Variants in TTC28 observed in about 807,000 individuals in gnomAD.
TTC28 encodes tetratricopeptide repeat domain 28.
A neutral mutation model predicts 198.0 loss-of-function variants in TTC28; 61 were observed. The observed-to-expected ratio is 0.31, with a 90% CI of 0.25 to 0.38. The LOEUF is 0.38. Among genes scored for constraint, TTC28 ranks in the 10% least tolerant of loss-of-function variants. TTC28 has a pLI of 1.00. For missense variants in TTC28, 2,678 were observed against 3,164.0 expected, an observed-to-expected ratio of 0.85 and a Z score of 3.69; for synonymous variants, 1,171 against 1,297.8, an observed-to-expected ratio of 0.90 and a Z score of 2.10.
At position 28,164,593 on chromosome 22, in the gene TTC28, A is replaced by G. The variant is rs1298282876; in HGVS notation, c.934-994T>C. ...CCTGCAGCTGAGGGTCCTGACTGTT[A>G]GAAGGAAAACTAACAAACAGAAAGG... On this transcript the variant is annotated intron_variant, in intron 5 of 22. Transcript: ENST00000397906. Among the ~76,000 whole-genome samples, 4 of 152,220 alleles carry G rather than the reference A, an allele frequency of 2.6e-5. No individual in the cohort carries two copies. The East Asian group carries it at 7.7e-4, about 29-fold the overall frequency.
intron 2 of TTC28, among the ~76,000 whole-genome samples, chr22:28,624,027 AAAT>A (rs1162685518): frequency 2.0e-5 from 3 of 152,218 alleles, no homozygotes; most frequent in African/African-American, 7.2e-5. Context: ...AGAAAAAAGG[AAAT>A]AATAAACAGC....
intron 5 of TTC28, among the ~76,000 whole-genome samples, chr22:28,282,312 T>C (rs1294047972): frequency 6.6e-6 from 1 of 152,240 alleles, no homozygotes; most frequent in Non-Finnish European, 1.5e-5. Flanking sequence ...AAATAGCATA[T>C]ACTATATAAA....
chr22:28,549,685 A>T (rs1163966185), intron 2 of TTC28, among the ~76,000 whole-genome samples: 3 of 152,216 alleles, frequency 2.0e-5, no homozygotes, highest in Non-Finnish European at 2.9e-5. Context: ...TAAAATACAT[A>T]ACAACTATAT....
chr22:28,403,628 C>T (rs1253526715), intron 2 of TTC28, among the ~76,000 whole-genome samples: 2 of 152,142 alleles, frequency 1.3e-5, no homozygotes, highest in African/African-American at 2.4e-5. Flanking sequence ...AACATTAAAT[C>T]GATGCCTTCA....
At chr22:28,085,767 A>G (rs1402219336) in intron 12 of TTC28, among the ~76,000 whole-genome samples, 6 of 152,104 alleles carry the variant, frequency 3.9e-5, no homozygotes, top group South Asian at 2.1e-4. Context: ...CAGGAAACCC[A>G]CCTCACGTGC....
intron 5 of TTC28, among the ~76,000 whole-genome samples, chr22:28,268,197 T>A (rs1931812142): frequency 6.6e-6 from 1 of 152,214 alleles, no homozygotes; most frequent in Non-Finnish European, 1.5e-5. Context: ...CTAAGGTTTC[T>A]ACTTGAATGG....
At chr22:28,334,426 C>T (rs2045672107) in intron 2 of TTC28, among the ~76,000 whole-genome samples, 1 of 152,192 alleles carries the variant, frequency 6.6e-6, no homozygotes, top group Admixed American at 6.5e-5. Flanking sequence ...GGAATCGCCA[C>T]ACTGATTTCC....
At chr22:28,582,075 TCAAA>T (rs985101688) in intron 2 of TTC28, among the ~76,000 whole-genome samples, 67 of 152,290 alleles carry the variant, frequency 4.4e-4, no homozygotes, top group African/African-American at 1.6e-3. Flanking sequence ...CCTATAATTA[TCAAA>T]CATTTTTCTT....
At chr22:28,370,213 A>G (rs1351138129) in intron 2 of TTC28, among the ~76,000 whole-genome samples, 1 of 152,206 alleles carries the variant, frequency 6.6e-6, no homozygotes, top group Non-Finnish European at 1.5e-5. Context: ...CATTCCTCTG[A>G]AGCTACAGCT....
At position 28,086,968 on chromosome 22, in the gene TTC28, T is replaced by C. The variant is rs188716741; in HGVS notation, c.3932+7112A>G. 2.3e-4 allele frequency among the ~76,000 whole-genome samples: 35 copies of C among 152,118 alleles called. No homozygotes were observed. In the East Asian group the frequency reaches 4.6e-3, roughly 20 times the overall value. ...CTCCCAAGACTAAACCAGGAAGAAG[T>C]TGAATATCTAAATAGACCAATAACA... On this transcript the variant is annotated intron_variant, in intron 12 of 22. Transcript: ENST00000397906.
chr22:28,206,171 G>A (rs890714052), intron 5 of TTC28, among the ~76,000 whole-genome samples: 3 of 152,064 alleles, frequency 2.0e-5, no homozygotes, highest in African/African-American at 7.2e-5. Flanking sequence ...TGCAGTAATT[G>A]CTAATTAAAA....
At chr22:28,610,982 G>A (rs527628230) in intron 2 of TTC28, among the ~76,000 whole-genome samples, 1 of 151,962 alleles carries the variant, frequency 6.6e-6, no homozygotes, top group Non-Finnish European at 1.5e-5. Flanking sequence ...AGAGATGGAA[G>A]ATCAACTTAA....
At chr22:28,406,280 G>A (rs1467810518) in intron 2 of TTC28, among the ~76,000 whole-genome samples, 1 of 152,216 alleles carries the variant, frequency 6.6e-6, no homozygotes, top group East Asian at 1.9e-4. Context: ...GTATTTGATA[G>A]CAATAATCCC....
chr22:28,251,371 T>C (rs561360122), intron 5 of TTC28, among the ~76,000 whole-genome samples: 1 of 152,332 alleles, frequency 6.6e-6, no homozygotes, highest in East Asian at 1.9e-4. Context: ...TTATTATCTA[T>C]GGCTGTTTTC....
chr22:28,623,563 A>G (rs1392693122), intron 2 of TTC28, among the ~76,000 whole-genome samples: 1 of 152,236 alleles, frequency 6.6e-6, no homozygotes, highest in Non-Finnish European at 1.5e-5. Context: ...ATTGATATCT[A>G]TGGAACTACA....
intron 2 of TTC28, among the ~76,000 whole-genome samples, chr22:28,562,485 ACCAATTG>A (rs1207803772): frequency 2.6e-5 from 4 of 152,184 alleles, no homozygotes; most frequent in African/African-American, 9.7e-5. Context: ...AGAGTCTCAA[ACCAATTG>A]CCACTGCCAG....
At chr22:28,645,529 A>G (rs983801785) in intron 1 of TTC28, among the ~76,000 whole-genome samples, 1 of 151,214 alleles carries the variant, frequency 6.6e-6, no homozygotes, top group South Asian at 2.1e-4. Context: ...GAGGAGGCTG[A>G]GGCAGGAGAA....
chr22:28,045,648 A>C (rs988438315), intron 12 of TTC28, among the ~76,000 whole-genome samples: 1 of 152,226 alleles, frequency 6.6e-6, no homozygotes, highest in Non-Finnish European at 1.5e-5. Context: ...ATGCAGACTC[A>C]CATATACAGA....
chr22:28,646,405 A>G (rs2146251954), intron 1 of TTC28, among the ~76,000 whole-genome samples: 1 of 152,376 alleles, frequency 6.6e-6, no homozygotes, highest in Middle Eastern at 3.4e-3. Flanking sequence ...GAAATCACAG[A>G]TGACACAAAC....
Sources: allele counts gnomAD v4.1 joint callset (sites outside exome capture counted in the v4.1 genomes callset), GRCh38; gene constraint gnomAD v4.1.1; transcripts MANE v1.5; gene names NCBI Gene and HGNC (gene_info 2026-07-23, HGNC 2026-07-21).